Variants in NKAIN2 observed in about 807,000 individuals in gnomAD.
NKAIN2 encodes the protein sodium/potassium transporting ATPase interacting 2.
Under a neutral mutation model 32.6 loss-of-function variants are expected in NKAIN2, and 14 were observed. That is an observed-to-expected ratio of 0.43 (90% CI 0.28 to 0.67). NKAIN2 has a LOEUF of 0.67. Ranked by LOEUF, NKAIN2 falls within the 30% of genes least tolerant of loss-of-function variation. NKAIN2 has a pLI of 0.17. For missense variants in NKAIN2, 198 were observed against 258.3 expected (o/e 0.77, Z 1.60); for synonymous variants, 80 against 87.2 (o/e 0.92, Z 0.46).
At chr6:124,001,531 C>A (rs951597658) in intron 1 of NKAIN2, among the ~76,000 whole-genome samples, 12 of 151,640 alleles carry the variant, frequency 7.9e-5, no homozygotes, top group African/African-American at 2.9e-4. Context: ...TTACATAGAC[C>A]TCTGGTTTTT....
rs1322622731 is a variant in NKAIN2, at chr6:124,034,538, G to T, written c.54+230284G>T. The stretch of plus-strand genomic sequence containing the variant: ...TCTACCATTAATGGGCACATAGGTT[G>T]ATTCCATGTCTTTGCTGTTGTGAAT... On this transcript the variant is annotated intron_variant, in intron 1 of 6. Coordinates refer to ENST00000368417, the MANE Select transcript of NKAIN2 (RefSeq NM_001040214.3). 3.3e-5 allele frequency among the ~76,000 whole-genome samples: 5 copies of T among 152,204 alleles called. No homozygotes were observed. The South Asian group carries it at 1.0e-3, about 32-fold the overall frequency.
intron 2 of NKAIN2, among the ~76,000 whole-genome samples, chr6:124,329,642 T>C (rs1474614077): frequency 6.6e-6 from 1 of 152,160 alleles, no homozygotes; most frequent in Non-Finnish European, 1.5e-5. Flanking sequence ...CATGTAACCA[T>C]CATTCATATA....
chr6:124,605,995 C>A (rs142846143), intron 3 of NKAIN2, among the ~76,000 whole-genome samples: 2 of 152,028 alleles, frequency 1.3e-5, no homozygotes, highest in African/African-American at 4.8e-5. Context: ...CTCAGTTTAA[C>A]TCCTTTGGGA....
At chr6:124,359,189 T>A (rs947529105) in intron 3 of NKAIN2, among the ~76,000 whole-genome samples, 11 of 152,170 alleles carry the variant, frequency 7.2e-5, no homozygotes, top group Admixed American at 3.9e-4. Context: ...TGTAGTATAG[T>A]TTGAAGTCAG....
chr6:123,889,798 CT>C (rs1773911030), intron 1 of NKAIN2, among the ~76,000 whole-genome samples: 1 of 152,086 alleles, frequency 6.6e-6, no homozygotes, highest in Admixed American at 6.6e-5. Context: ...ACCTTCTCAC[CT>C]TTATGTTTTC....
chr6:124,323,885 A>G (rs1273604855), intron 2 of NKAIN2, among the ~76,000 whole-genome samples: 2 of 147,868 alleles, frequency 1.4e-5, no homozygotes, highest in East Asian at 4.1e-4. Flanking sequence ...CCTCCTGGGT[A>G]CATGCCATTC....
chr6:124,394,514 A>G (rs911407635), intron 3 of NKAIN2, among the ~76,000 whole-genome samples: 7 of 151,944 alleles, frequency 4.6e-5, no homozygotes, highest in Admixed American at 2.0e-4. Context: ...TAGATTAGAT[A>G]GATACAGACA....
intron 4 of NKAIN2, among the ~76,000 whole-genome samples, chr6:124,716,533 A>G (rs1400955431): frequency 6.6e-6 from 1 of 152,208 alleles, no homozygotes; most frequent in Non-Finnish European, 1.5e-5. Context: ...GTTTCGTGAC[A>G]TCCCTTCTCT....
intron 3 of NKAIN2, among the ~76,000 whole-genome samples, chr6:124,401,658 T>C (rs193166436): frequency 3.9e-5 from 6 of 152,352 alleles, no homozygotes; most frequent in African/African-American, 1.2e-4. Flanking sequence ...GTGGATTGTT[T>C]GCATTTTCCT....
intron 1 of NKAIN2, among the ~76,000 whole-genome samples, chr6:124,042,391 A>T (rs887140251): frequency 2.6e-5 from 4 of 152,088 alleles, no homozygotes; most frequent in Non-Finnish European, 5.9e-5. Flanking sequence ...ACATGGCAAC[A>T]TAACCATATT....
rs1331943561 is a variant in NKAIN2, at chr6:123,911,812, T to TATACAC, written c.54+107559_54+107560insTACACA. Among the ~76,000 whole-genome samples the TATACAC allele has an allele frequency of 1.1e-4, 9 of 85,008 alleles. 2 individuals carry two copies. Among genetic ancestry groups the TATACAC allele is most frequent in the African/African-American group, 3.2e-4 (7 of 21,834 alleles). The allele number at this position is 85,008 out of a possible 152,430, so 55.8% of individuals were successfully genotyped here. A position where few individuals can be genotyped will look rare whatever the true frequency, so the allele number is the denominator to read the frequency against. On this transcript the variant is annotated intron_variant, in intron 1 of 6. Transcript: ENST00000368417. ...ATATATATATATATGTATATATATA[T>TATACAC]ACACACACACACACACACACACACA... is the stretch of plus-strand genomic sequence containing the variant.
chr6:124,063,992 C>G (rs2114862399), intron 1 of NKAIN2, among the ~76,000 whole-genome samples: 1 of 151,700 alleles, frequency 6.6e-6, no homozygotes, highest in African/African-American at 2.4e-5. Context: ...ACTCTGTCGC[C>G]CAGGCTGGAG....
At chr6:123,962,146 C>G (rs544621861) in intron 1 of NKAIN2, among the ~76,000 whole-genome samples, 1 of 152,186 alleles carries the variant, frequency 6.6e-6, no homozygotes, top group East Asian at 1.9e-4. Flanking sequence ...CAAATGAAAA[C>G]CTATAACAGT....
intron 1 of NKAIN2, among the ~76,000 whole-genome samples, chr6:123,886,734 T>C (rs1773733215): frequency 6.6e-6 from 1 of 152,006 alleles, no homozygotes; most frequent in Admixed American, 6.6e-5. Flanking sequence ...AAAAGAAAAA[T>C]CAATCAGTTG....
At chr6:124,272,683 C>T (rs1253652848) in intron 1 of NKAIN2, among the ~76,000 whole-genome samples, 1 of 152,124 alleles carries the variant, frequency 6.6e-6, no homozygotes. Flanking sequence ...CATGGTAGAA[C>T]CATCAACAGC....
At chr6:124,632,209 C>A (rs1477373502) in intron 3 of NKAIN2, among the ~76,000 whole-genome samples, 2 of 152,108 alleles carry the variant, frequency 1.3e-5, no homozygotes, top group African/African-American at 4.8e-5. Flanking sequence ...CAAGACTTCT[C>A]AAATCACTTT....
chr6:124,768,105 C>T (rs796946419), intron 4 of NKAIN2, among the ~76,000 whole-genome samples: 5 of 152,238 alleles, frequency 3.3e-5, no homozygotes, highest in African/African-American at 1.2e-4. Context: ...AGAGTGTTTA[C>T]ATCCTCATTC....
At chr6:124,821,816 T>A (rs1242886885) in intron 6 of NKAIN2, among the ~76,000 whole-genome samples, 1 of 152,108 alleles carries the variant, frequency 6.6e-6, no homozygotes. Flanking sequence ...CCACAAAACA[T>A]CCCATAGGAG....
At chr6:124,422,192 A>C (rs1049769754) in intron 3 of NKAIN2, among the ~76,000 whole-genome samples, 2 of 152,130 alleles carry the variant, frequency 1.3e-5, no homozygotes, top group Non-Finnish European at 2.9e-5. Context: ...TATTTGGCCC[A>C]AGATACTCAT....
Sources: allele counts gnomAD v4.1 joint callset (sites outside exome capture counted in the v4.1 genomes callset), GRCh38; gene constraint gnomAD v4.1.1; transcripts MANE v1.5; gene names NCBI Gene and HGNC (gene_info 2026-07-23, HGNC 2026-07-21).